ZCCHC7: variants seen among roughly 807,000 people sequenced by gnomAD.
The protein encoded by ZCCHC7 is zinc finger CCHC-type containing 7.
In ZCCHC7, 35 loss-of-function variants were observed where a neutral mutation model predicts 52.0. The observed-to-expected ratio is 0.67, with a 90% CI of 0.51 to 0.89. The LOEUF is 0.89. Ranked by LOEUF, ZCCHC7 falls within the 40% of genes least tolerant of loss-of-function variation. The pLI, the probability that ZCCHC7 is intolerant of heterozygous loss-of-function variation, is 0.00. For missense variants in ZCCHC7, 574 were observed against 649.1 expected, an observed-to-expected ratio of 0.88 and a Z score of 1.26; for synonymous variants, 217 against 221.5, an observed-to-expected ratio of 0.98 and a Z score of 0.18.
At position 37,211,352 on chromosome 9, in the gene ZCCHC7, G is replaced by T. The variant is rs556077053; in HGVS notation, c.610+84410G>T. On this transcript the variant is annotated intron_variant, in intron 2 of 8. Transcript: ENST00000336755. ...TATGGTTTTACTTGTAGGGTTTTTT[G>T]GTTTGTTTGTTTTGGGGTTTTGGTT... 5.1e-4 allele frequency among the ~76,000 whole-genome samples: 77 copies of T among 152,056 alleles called. 1 individual carries two copies. Among genetic ancestry groups the T allele is most frequent in the Admixed American group, 2.7e-3 (42 of 15,274 alleles).
chr9:37,251,257 T>TA (rs1348198176), intron 2 of ZCCHC7, among the ~76,000 whole-genome samples: 1 of 152,176 alleles, frequency 6.6e-6, no homozygotes, highest in African/African-American at 2.4e-5. Flanking sequence ...CTTTTTAATT[T>TA]AAAAAAATCA....
intron 2 of ZCCHC7, among the ~76,000 whole-genome samples, chr9:37,282,954 T>G (rs1588608880): frequency 1.1e-4 from 10 of 88,624 alleles, no homozygotes; most frequent in Admixed American, 3.4e-4. Flanking sequence ...GAATGCCAGA[T>G]GGAGATGTGG....
At chr9:37,277,103 C>T (rs1377063640) in intron 2 of ZCCHC7, among the ~76,000 whole-genome samples, 3 of 152,132 alleles carry the variant, frequency 2.0e-5, no homozygotes, top group African/African-American at 4.8e-5. Flanking sequence ...CAAGTATAGA[C>T]TCATTCTTTG....
intron 5 of ZCCHC7, among the ~76,000 whole-genome samples, chr9:37,306,839 G>GTGCAGTGGCATGATCTTGGCTCAC (rs1371243660): frequency 8.0e-6 from 1 of 124,706 alleles, no homozygotes; most frequent in Non-Finnish European, 1.6e-5. Flanking sequence ...GGTGGCTAGA[G>GTGCAGTGGCATGATCTTGGCTCAC]TGCAGTGGCA....
At chr9:37,221,283 T>TA (rs1402902250) in intron 2 of ZCCHC7, among the ~76,000 whole-genome samples, 1 of 152,096 alleles carries the variant, frequency 6.6e-6, no homozygotes, top group Non-Finnish European at 1.5e-5. Context: ...ATTATAGTAT[T>TA]AGAGATTTAA....
intron 2 of ZCCHC7, among the ~76,000 whole-genome samples, chr9:37,199,257 T>G (rs953960224): frequency 2.0e-4 from 30 of 152,106 alleles, no homozygotes; most frequent in African/African-American, 7.2e-4. Flanking sequence ...CTGATTTCTC[T>G]AATTCTTGTC....
At position 37,304,088 on chromosome 9, in the gene ZCCHC7, G is replaced by A. The variant is rs903462311; in HGVS notation, c.655-100G>A. The A allele has an allele frequency of 3.7e-5, 43 of 1,157,652 alleles. No individual in the cohort carries two copies. In the East Asian group the frequency reaches 9.9e-4, roughly 27 times the overall value. The allele number at this position is 1,157,652 out of a possible 1,614,324, so 71.7% of individuals were successfully genotyped here. A position where few individuals can be genotyped will look rare whatever the true frequency, so the allele number is the denominator to read the frequency against. On this transcript the variant is annotated intron_variant, in intron 3 of 8. Coordinates refer to ENST00000336755, the MANE Select transcript of ZCCHC7 (RefSeq NM_032226.3). ...TAATGGAACTGACTTGAAGCTTGAT[G>A]TATCTTTATTTGCTTATAGTTGTCT... is the stretch of plus-strand genomic sequence containing the variant.
chr9:37,357,159 A>C lies in ZCCHC7; in HGVS notation c.1523A>C (p.Lys508Thr). The C allele has an allele frequency of 2.5e-6, 4 of 1,613,604 alleles. No individual in the cohort carries two copies. The highest frequency in any genetic ancestry group is 3.4e-6 in the Non-Finnish European group (4 of 1,179,950). Residue 508 changes from lysine (K) to threonine (T), a missense_variant, in exon 9 of 9, where the codon AAG becomes ACG. Coordinates refer to ENST00000336755, the MANE Select transcript of ZCCHC7 (RefSeq NM_032226.3). ...SSHYHTSREDKSPKEGKRGKQ... is the reference protein window; with the variant it reads ...SSHYHTSREDTSPKEGKRGKQ... ...CATTACCACACGTCAAGAGAAGACA[A>C]GTCTCCCAAGGAAGGCAAGAGGGGC...
At chr9:37,307,736 G>C (rs1266497765) in intron 5 of ZCCHC7, among the ~76,000 whole-genome samples, 1 of 150,114 alleles carries the variant, frequency 6.7e-6, no homozygotes, top group Admixed American at 6.6e-5. Flanking sequence ...GATTAAAACA[G>C]ATTAGAGTAT....
intron 6 of ZCCHC7, among the ~76,000 whole-genome samples, chr9:37,342,035 A>G (rs537969466): frequency 1.3e-5 from 2 of 152,156 alleles, no homozygotes; most frequent in Non-Finnish European, 2.9e-5. Flanking sequence ...TTTGCAGGCT[A>G]TAAGGATCAT....
At chr9:37,334,878 G>A (rs544395065) in intron 6 of ZCCHC7, among the ~76,000 whole-genome samples, 3 of 152,144 alleles carry the variant, frequency 2.0e-5, no homozygotes, top group Admixed American at 1.3e-4. Flanking sequence ...CCAGTACATA[G>A]ATACCGCACA....
chr9:37,221,049 A>T (rs964570136), intron 2 of ZCCHC7, among the ~76,000 whole-genome samples: 1 of 152,218 alleles, frequency 6.6e-6, no homozygotes, highest in Non-Finnish European at 1.5e-5. Flanking sequence ...GCGTTGCCTT[A>T]ATCAACTTGG....
intron 2 of ZCCHC7, among the ~76,000 whole-genome samples, chr9:37,152,778 C>T (rs1413172462): frequency 6.6e-6 from 1 of 152,188 alleles, no homozygotes; most frequent in East Asian, 1.9e-4. Flanking sequence ...TCTGGTTTCT[C>T]TACTGTGAAG....
At chr9:37,157,141 T>G (rs997834413) in intron 2 of ZCCHC7, among the ~76,000 whole-genome samples, 1 of 150,938 alleles carries the variant, frequency 6.6e-6, no homozygotes, top group Middle Eastern at 3.4e-3. Context: ...GAATCAGTGC[T>G]GTGACACCAG....
intron 2 of ZCCHC7, among the ~76,000 whole-genome samples, chr9:37,194,494 C>G (rs966424507): frequency 8.5e-5 from 13 of 152,082 alleles, no homozygotes; most frequent in Admixed American, 7.2e-4. Context: ...CATGTCTGAA[C>G]AGATAATAGA....
chr9:37,177,861 C>T (rs989177099), intron 2 of ZCCHC7, among the ~76,000 whole-genome samples: 1 of 152,126 alleles, frequency 6.6e-6, no homozygotes, highest in Non-Finnish European at 1.5e-5. Context: ...GAGATACTGT[C>T]ACAGCCAAGA....
intron 5 of ZCCHC7, among the ~76,000 whole-genome samples, chr9:37,324,524 G>C (rs1830165828): frequency 6.6e-6 from 1 of 152,184 alleles, no homozygotes; most frequent in African/African-American, 2.4e-5. Flanking sequence ...GGCCTTCACT[G>C]TCTGTGATTG....
chr9:37,158,794 G>A (rs188631089), intron 2 of ZCCHC7, among the ~76,000 whole-genome samples: 2 of 152,180 alleles, frequency 1.3e-5, no homozygotes, highest in East Asian at 3.9e-4. Flanking sequence ...AGAATATGGG[G>A]CAGTCACCAG....
At chr9:37,227,402 T>G (rs1000356847) in intron 2 of ZCCHC7, among the ~76,000 whole-genome samples, 1 of 152,126 alleles carries the variant, frequency 6.6e-6, no homozygotes, top group Non-Finnish European at 1.5e-5. Flanking sequence ...AAAACCACAA[T>G]GAGATACTGC....
Sources: allele counts gnomAD v4.1 joint callset (sites outside exome capture counted in the v4.1 genomes callset), GRCh38; gene constraint gnomAD v4.1.1; transcripts MANE v1.5; gene names NCBI Gene and HGNC (gene_info 2026-07-23, HGNC 2026-07-21).